KIN: variants seen among roughly 807,000 people sequenced by gnomAD.
The protein encoded by KIN is DNA/RNA-binding protein KIN17.
Under a neutral mutation model 63.0 loss-of-function variants are expected in KIN, and 47 were observed. That is an observed-to-expected ratio of 0.75 (90% CI 0.59 to 0.95). KIN has a LOEUF of 0.95. Ranked by LOEUF, KIN falls within the 40% of genes least tolerant of loss-of-function variation. The pLI, the probability that KIN is intolerant of heterozygous loss-of-function variation, is 0.00. For missense variants in KIN, 408 were observed against 460.9 expected, an observed-to-expected ratio of 0.89 and a Z score of 1.05; for synonymous variants, 160 against 157.7, an observed-to-expected ratio of 1.01 and a Z score of -0.11.
At chr10:7,763,458 C>A (rs192342139) in intron 10 of KIN, among the ~76,000 whole-genome samples, 16 of 152,240 alleles carry the variant, frequency 1.1e-4, no homozygotes, top group Non-Finnish European at 1.9e-4. Context: ...GGCATGCATG[C>A]TGAGGTTTTG....
chr10:7,780,349 A>G, intron 2 of KIN, 42 bp from the exon 3 acceptor site: 1 of 1,470,258 alleles, frequency 6.8e-7, no homozygotes, highest in African/African-American at 1.4e-5. Flanking sequence ...AATTTCTACA[A>G]ACATATAGCA....
At chr10:7,767,239 T>C (rs560576581) in intron 8 of KIN, among the ~76,000 whole-genome samples, 1 of 152,262 alleles carries the variant, frequency 6.6e-6, no homozygotes, top group South Asian at 2.1e-4. Context: ...CTTGCTGCAC[T>C]CCAGTCCCGT....
Position 7,755,875 on chromosome 10 carries a change from G to C in KIN, c.*205C>G. The stretch of plus-strand genomic sequence containing the variant: ...ATTACAAAGGAAACAAAAATAACAA[G>C]GACAAAATTACATAGTTTGATACCT... On this transcript the variant is annotated 3_prime_UTR_variant, in exon 13 of 13. Transcript: ENST00000379562. 5.3e-6 allele frequency: 2 copies of C among 376,144 alleles called. No individual in the cohort carries two copies. The highest frequency in any genetic ancestry group is 4.7e-6 in the Non-Finnish European group (1 of 210,956). The allele number at this position is 376,144 out of a possible 1,614,324, so 23.3% of individuals were successfully genotyped here.
At chr10:7,778,762 C>T (rs939141432) in intron 5 of KIN, 76 bp downstream of exon 5, 1 of 1,473,640 alleles carries the variant, frequency 6.8e-7, no homozygotes, top group Non-Finnish European at 9.3e-7. Flanking sequence ...ACAACAAAAA[C>T]AAAAAAGAAA....
chr10:7,778,934 T>G lies in KIN; in HGVS notation c.462A>C (p.Glu154Asp), dbSNP rs1358158138. The G allele has an allele frequency of 3.7e-6, 6 of 1,614,042 alleles. 1 individual carries two copies. The South Asian group carries it at 4.4e-5, about 12-fold the overall frequency. The change falls in exon 5 of 13, where the codon GAA becomes GAC. Residue 154 changes from glutamate (E) to aspartate (D), a missense_variant. By Grantham distance (45) the Glu-to-Asp change is conservative (BLOSUM62 2). Coordinates refer to ENST00000379562, the MANE Select transcript of KIN (RefSeq NM_012311.4). ...RDPETIRRQL[E>D]LEKKKKQDLD... The stretch of plus-strand genomic sequence containing the variant: ...GGTCCTGCTTTTTCTTTTTCTCCAG[T>G]TCCAGTTGCCGGCGGATAGTTTCTG...
chr10:7,779,967 A>G (rs758512827), intron 4 of KIN, 89 bp downstream of exon 4: 233 of 1,425,382 alleles, frequency 1.6e-4, no homozygotes, highest in Non-Finnish European at 2.2e-4. Context: ...CACTGACCCA[A>G]TTTTTTTTCT....
At chr10:7,775,139 A>G (rs1268271411) in intron 6 of KIN, among the ~76,000 whole-genome samples, 1 of 151,948 alleles carries the variant, frequency 6.6e-6, no homozygotes, top group Non-Finnish European at 1.5e-5. Flanking sequence ...CTCTATCCCC[A>G]TTTCCCCTGG....
At chr10:7,773,911 C>T (rs565153954) in intron 7 of KIN, among the ~76,000 whole-genome samples, 3 of 152,262 alleles carry the variant, frequency 2.0e-5, no homozygotes, top group South Asian at 4.1e-4. Context: ...TGAAAGAATA[C>T]ATAAAAATTG....
chr10:7,758,935 A>G (rs983546933), intron 12 of KIN, among the ~76,000 whole-genome samples: 1 of 145,996 alleles, frequency 6.8e-6, no homozygotes, highest in Non-Finnish European at 1.5e-5. Context: ...GATCAGAAAG[A>G]AAAAAAAAAA....
chr10:7,776,470 G>A (rs1835775131), intron 5 of KIN, among the ~76,000 whole-genome samples: 1 of 150,578 alleles, frequency 6.6e-6, no homozygotes, highest in Admixed American at 6.7e-5. Flanking sequence ...TGAATCCAGG[G>A]GGTGAGTGCT....
intron 4 of KIN, among the ~76,000 whole-genome samples, chr10:7,779,329 C>T (rs1341570477): frequency 2.0e-5 from 3 of 152,164 alleles, no homozygotes; most frequent in Non-Finnish European, 4.4e-5. Context: ...ATCACTTGAA[C>T]CCAGGAGGCA....
At chr10:7,758,121 C>T (rs924976461) in intron 12 of KIN, among the ~76,000 whole-genome samples, 13 of 150,320 alleles carry the variant, frequency 8.6e-5, no homozygotes, top group Non-Finnish European at 1.6e-4. Context: ...TCACCCAGGC[C>T]GGAGTAAGTG....
At chr10:7,785,757 T>C (rs1835988997) in intron 1 of KIN, among the ~76,000 whole-genome samples, 1 of 149,550 alleles carries the variant, frequency 6.7e-6, no homozygotes, top group African/African-American at 2.5e-5. Context: ...AAGGTTGCAG[T>C]GAGCTGAGAT....
intron 6 of KIN, among the ~76,000 whole-genome samples, chr10:7,775,202 G>T (rs897062569): frequency 6.6e-6 from 1 of 152,172 alleles, no homozygotes; most frequent in African/African-American, 2.4e-5. Flanking sequence ...CTGTGGCTCA[G>T]GGGACATAAC....
chr10:7,771,208 G>A (rs1372483482), intron 7 of KIN, among the ~76,000 whole-genome samples: 1 of 152,146 alleles, frequency 6.6e-6, no homozygotes, highest in Non-Finnish European at 1.5e-5. Flanking sequence ...TTGAACTAGG[G>A]ATCCAGGGAT....
intron 5 of KIN, among the ~76,000 whole-genome samples, chr10:7,776,457 G>T (rs1315423873): frequency 6.6e-6 from 1 of 151,098 alleles, no homozygotes; most frequent in Non-Finnish European, 1.5e-5. Context: ...CAGGAGAATC[G>T]TCTGAATCCA....
chr10:7,752,276 A>G lies in KIN; in HGVS notation c.*3804T>C, dbSNP rs1484793340. 3.9e-5 allele frequency: 6 copies of G among 152,256 alleles called. No individual in the cohort carries two copies. Among genetic ancestry groups the G allele is most frequent in the Non-Finnish European group, 7.3e-5 (5 of 68,046 alleles). 9.4% of individuals were successfully genotyped at this position (152,256 alleles called of 1,614,324 possible). On this transcript the variant is annotated 3_prime_UTR_variant, in exon 13 of 13. Coordinates refer to ENST00000379562, the MANE Select transcript of KIN (RefSeq NM_012311.4). ...ATAATGGGCAAAAAACCTGAAAGAC[A>G]TCTCACCAGAGAAGATATACAGGTG... is the stretch of plus-strand genomic sequence containing the variant.
chr10:7,767,058 C>T (rs932104583), intron 8 of KIN, among the ~76,000 whole-genome samples: 4 of 151,656 alleles, frequency 2.6e-5, no homozygotes, highest in African/African-American at 9.7e-5. Flanking sequence ...AAATCCTTCA[C>T]CTTTTCAACA....
chr10:7,766,639 G>A (rs758554844), intron 8 of KIN, among the ~76,000 whole-genome samples: 13 of 151,818 alleles, frequency 8.6e-5, no homozygotes, highest in Admixed American at 3.9e-4. Flanking sequence ...CGAAAATATC[G>A]AATCTTTTTC....
Sources: allele counts gnomAD v4.1 joint callset (sites outside exome capture counted in the v4.1 genomes callset), GRCh38; gene constraint gnomAD v4.1.1; transcripts MANE v1.5; gene names NCBI Gene and HGNC (gene_info 2026-07-23, HGNC 2026-07-21).